The following FAM135B variants were observed in gnomAD, a reference collection of about 807,000 sequenced individuals.
The protein encoded by FAM135B is family with sequence similarity 135 member B, also known as protein FAM135B.
FAM135B carries 43 observed loss-of-function variants against 127.7 expected under a neutral mutation model. The observed-to-expected ratio is 0.34, with a 90% CI of 0.26 to 0.43. FAM135B has a LOEUF of 0.43. Among genes scored for constraint, FAM135B ranks in the 20% least tolerant of loss-of-function variants. The pLI is 1.00. For missense variants in FAM135B, 1,558 were observed against 1,725.6 expected (o/e 0.90, Z 1.72); for synonymous variants, 670 against 665.1 (o/e 1.01, Z -0.11).
At chr8:138,285,783 A>T (rs1824637707) in intron 3 of FAM135B, among the ~76,000 whole-genome samples, 2 of 152,220 alleles carry the variant, frequency 1.3e-5, no homozygotes, top group South Asian at 4.1e-4. Flanking sequence ...TCTAAACCAA[A>T]GCCATCAATA....
At chr8:138,469,136 G>A (rs1423001062) in intron 1 of FAM135B, among the ~76,000 whole-genome samples, 4 of 151,652 alleles carry the variant, frequency 2.6e-5, no homozygotes, top group African/African-American at 9.7e-5. Context: ...ATGGATTGTG[G>A]TTTTTCCCTT....
At chr8:138,451,748 C>T (rs980090797) in intron 1 of FAM135B, among the ~76,000 whole-genome samples, 3 of 152,158 alleles carry the variant, frequency 2.0e-5, no homozygotes, top group African/African-American at 7.2e-5. Context: ...ATCTGTGCTA[C>T]TCAGCACTCC....
chr8:138,406,142 A>C (rs956718712), intron 1 of FAM135B, among the ~76,000 whole-genome samples: 1 of 150,648 alleles, frequency 6.6e-6, no homozygotes, highest in African/African-American at 2.5e-5. Flanking sequence ...TAGGTTGCGA[A>C]AATTTTCTCC....
At chr8:138,335,051 T>G (rs1828465139) in intron 2 of FAM135B, among the ~76,000 whole-genome samples, 2 of 152,232 alleles carry the variant, frequency 1.3e-5, no homozygotes, top group South Asian at 4.1e-4. Flanking sequence ...ATACATTTTT[T>G]CTTATTCTGC....
At chr8:138,185,226 A>C (rs1399323540) in intron 9 of FAM135B, among the ~76,000 whole-genome samples, 1 of 152,228 alleles carries the variant, frequency 6.6e-6, no homozygotes, top group East Asian at 1.9e-4. Context: ...CCCATGGAGC[A>C]CACATGTAAC....
intron 1 of FAM135B, among the ~76,000 whole-genome samples, chr8:138,393,692 C>A (rs528392162): frequency 6.6e-6 from 1 of 152,170 alleles, no homozygotes; most frequent in Non-Finnish European, 1.5e-5. Flanking sequence ...TACTTTCCTG[C>A]CCTCACGGAG....
At chr8:138,283,609 C>G (rs1338593583) in intron 3 of FAM135B, among the ~76,000 whole-genome samples, 2 of 152,008 alleles carry the variant, frequency 1.3e-5, no homozygotes, top group Non-Finnish European at 2.9e-5. Flanking sequence ...AAACTTGGGA[C>G]TTTGGGTGAT....
At chr8:138,308,602 C>T (rs1489778344) in intron 3 of FAM135B, among the ~76,000 whole-genome samples, 1 of 150,656 alleles carries the variant, frequency 6.6e-6, no homozygotes, top group Non-Finnish European at 1.5e-5. Context: ...AATTATTCTT[C>T]TGTTAAACTA....
chr8:138,446,866 G>T (rs1316664677), intron 1 of FAM135B, among the ~76,000 whole-genome samples: 1 of 151,796 alleles, frequency 6.6e-6, no homozygotes, highest in African/African-American at 2.4e-5. Flanking sequence ...GAGTGAACAG[G>T]CAACCTACAG....
intron 1 of FAM135B, among the ~76,000 whole-genome samples, chr8:138,380,347 C>T (rs1420180171): frequency 6.6e-6 from 1 of 152,094 alleles, no homozygotes; most frequent in African/African-American, 2.4e-5. Flanking sequence ...CAGGTGCCTG[C>T]CACCACGCCT....
chr8:138,278,872 T>A (rs181674474), intron 3 of FAM135B, among the ~76,000 whole-genome samples: 1 of 152,182 alleles, frequency 6.6e-6, no homozygotes, highest in South Asian at 2.1e-4. Context: ...AATGAGATGA[T>A]ACAAATCAAT....
At chr8:138,179,171 T>A (rs2130988442) in intron 9 of FAM135B, among the ~76,000 whole-genome samples, 1 of 152,292 alleles carries the variant, frequency 6.6e-6, no homozygotes. Flanking sequence ...TACTTTTCAA[T>A]GCCCAGAGCC....
At chr8:138,178,778 T>G in intron 9 of FAM135B, 88 bp from the exon 10 acceptor site, 4 of 1,176,620 alleles carry the variant, frequency 3.4e-6, no homozygotes, top group Non-Finnish European at 4.9e-6. Flanking sequence ...CTGACTTTTC[T>G]GTTTTCAATA....
chr8:138,217,597 A>T (rs927078995), intron 7 of FAM135B, among the ~76,000 whole-genome samples: 10 of 151,730 alleles, frequency 6.6e-5, no homozygotes, highest in African/African-American at 2.4e-4. Context: ...CACCCAGCTA[A>T]TTTTTTTGTA....
intron 9 of FAM135B, among the ~76,000 whole-genome samples, chr8:138,191,537 A>G (rs2131081913): frequency 6.6e-6 from 1 of 152,300 alleles, no homozygotes; most frequent in Middle Eastern, 3.4e-3. Flanking sequence ...GAAGTTCCAG[A>G]GTGAACAAAT....
chr8:138,269,926 G>A (rs1823246001), intron 3 of FAM135B, among the ~76,000 whole-genome samples: 1 of 152,210 alleles, frequency 6.6e-6, no homozygotes, highest in South Asian at 2.1e-4. Flanking sequence ...GGAACGGGAA[G>A]GACAGAAAGT....
At chr8:138,283,574 C>T (rs1398281642) in intron 3 of FAM135B, among the ~76,000 whole-genome samples, 3 of 152,032 alleles carry the variant, frequency 2.0e-5, no homozygotes, top group Non-Finnish European at 4.4e-5. Context: ...ACAGAATGTA[C>T]AACACCAAGA....
chr8:138,240,835 C>G (rs958802903), intron 7 of FAM135B, among the ~76,000 whole-genome samples: 6 of 152,304 alleles, frequency 3.9e-5, no homozygotes, highest in Admixed American at 3.9e-4. Context: ...CCTGTGGCAG[C>G]CTCAGCAAAG....
intron 3 of FAM135B, among the ~76,000 whole-genome samples, chr8:138,285,638 G>A (rs948413584): frequency 2.0e-5 from 3 of 152,178 alleles, no homozygotes; most frequent in Admixed American, 6.5e-5. Flanking sequence ...ATGAAAATAC[G>A]GGTCAGCCAT....
Sources: gnomAD v4.1 joint callset for allele counts (sites outside exome capture counted in the v4.1 genomes callset) on GRCh38, gnomAD v4.1.1 for gene constraint, MANE v1.5 for transcripts, NCBI Gene and HGNC (gene_info 2026-07-23, HGNC 2026-07-21) for gene names.